Variants in GKAP1 observed in about 807,000 individuals in gnomAD.
GKAP1 encodes G kinase anchoring protein 1.
GKAP1 carries 31 observed loss-of-function variants against 56.7 expected under a neutral mutation model. The observed-to-expected ratio is 0.55, with a 90% confidence interval of 0.41 to 0.74. The LOEUF (loss-of-function observed/expected upper bound fraction) is 0.74, where lower values mean the gene tolerates loss of function less well. Ranked by LOEUF, GKAP1 falls within the 30% of genes least tolerant of loss-of-function variation. The pLI is 0.00. For synonymous variants in GKAP1, 151 were observed against 138.6 expected (o/e 1.09, Z -0.63); for missense variants, 364 against 402.3 (o/e 0.90, Z 0.82).
chr9:83,793,813 G>T (rs1433298655), intron 4 of GKAP1, among the ~76,000 whole-genome samples: 4 of 152,122 alleles, frequency 2.6e-5, no homozygotes, highest in South Asian at 2.1e-4. Flanking sequence ...TTAAGATAAT[G>T]AATATTTAAA....
Position 83,809,489 on chromosome 9 carries a change from T to A in GKAP1, c.-43-2929A>T, listed in dbSNP as rs2778327. Among the ~76,000 whole-genome samples the A allele has an allele frequency of 5.3e-5, 8 of 152,234 alleles. No individual in the cohort carries two copies. The East Asian group carries it at 5.8e-4, about 11-fold the overall frequency. ...CAGAATGCACTGCTACCCATTATCA[T>A]AGACAGGCTTGTGAAACTGTTGGAA... On this transcript the variant is annotated intron_variant, in intron 2 of 12. Coordinates refer to ENST00000376371, the MANE Select transcript of GKAP1 (RefSeq NM_025211.4).
At chr9:83,752,832 A>T (rs1318599728) in intron 9 of GKAP1, among the ~76,000 whole-genome samples, 2 of 152,104 alleles carry the variant, frequency 1.3e-5, no homozygotes, top group Non-Finnish European at 2.9e-5. Context: ...GCACTTTGGG[A>T]GGCTGGGGTG....
intron 2 of GKAP1, among the ~76,000 whole-genome samples, chr9:83,811,282 A>C (rs1257936923): frequency 2.0e-5 from 3 of 152,210 alleles, no homozygotes; most frequent in Non-Finnish European, 4.4e-5. Flanking sequence ...TCTTTGAAAT[A>C]AAAAAGTTTT....
chr9:83,775,338 C>A (rs970644611), intron 7 of GKAP1, among the ~76,000 whole-genome samples: 2 of 152,056 alleles, frequency 1.3e-5, no homozygotes, highest in African/African-American at 4.8e-5. Flanking sequence ...CCTGTCATCG[C>A]CCTAGATACA....
In GKAP1 at chr9:83,802,636, C is replaced by A. The variant is rs147085803; in HGVS notation, c.217-3308G>T. 6.9e-3 allele frequency among the ~76,000 whole-genome samples: 1,042 copies of A among 151,872 alleles called. 16 individuals are homozygous for A. Among genetic ancestry groups the A allele is most frequent in the African/African-American group, 0.024 (998 of 41,412 alleles). On this transcript the variant is annotated intron_variant, in intron 3 of 12. Coordinates refer to ENST00000376371, the MANE Select transcript of GKAP1 (RefSeq NM_025211.4). ...TTGAGGCCAGGAGTTTGAGAACAGC[C>A]TGGGCAATGTACTGTGACCCTGTCT... is the stretch of plus-strand genomic sequence containing the variant.
chr9:83,812,240 T>C (rs1333574598), intron 2 of GKAP1, among the ~76,000 whole-genome samples: 3 of 148,894 alleles, frequency 2.0e-5, no homozygotes, highest in African/African-American at 2.5e-5. Flanking sequence ...TGTATACATA[T>C]ATACGTATAT....
intron 8 of GKAP1, among the ~76,000 whole-genome samples, chr9:83,756,876 A>G (rs917988997): frequency 6.6e-6 from 1 of 152,204 alleles, no homozygotes; most frequent in Admixed American, 6.5e-5. Flanking sequence ...AAGAGATACT[A>G]CTTTTTAAAA....
chr9:83,782,749 C>T (rs1943996686), intron 6 of GKAP1, among the ~76,000 whole-genome samples: 1 of 150,710 alleles, frequency 6.6e-6, no homozygotes, highest in African/African-American at 2.4e-5. Flanking sequence ...TCACTACAAC[C>T]TCCACCTCCC....
At chr9:83,815,039 G>A (rs1272438647) in intron 2 of GKAP1, among the ~76,000 whole-genome samples, 4 of 152,112 alleles carry the variant, frequency 2.6e-5, no homozygotes, top group African/African-American at 7.2e-5. Context: ...GGGCATGGTG[G>A]CGCACGCCTG....
intron 7 of GKAP1, among the ~76,000 whole-genome samples, chr9:83,774,004 T>C (rs1943807874): frequency 6.6e-6 from 1 of 151,942 alleles, no homozygotes; most frequent in Non-Finnish European, 1.5e-5. Flanking sequence ...GTAGACAGTT[T>C]TGCTCTAGGC....
intron 2 of GKAP1, among the ~76,000 whole-genome samples, chr9:83,807,148 T>C (rs1019119931): frequency 5.9e-5 from 9 of 152,242 alleles, no homozygotes; most frequent in African/African-American, 1.2e-4. Flanking sequence ...CTAGTTTCCA[T>C]GCAAGCATAG....
chr9:83,741,909 G>T, intron 12 of GKAP1, 43 bp downstream of exon 12: 1 of 1,211,038 alleles, frequency 8.3e-7, no homozygotes, highest in Non-Finnish European at 1.2e-6. Flanking sequence ...TACTCCAAAT[G>T]TATTATTTGT....
intron 8 of GKAP1, among the ~76,000 whole-genome samples, chr9:83,756,268 G>A (rs1218625719): frequency 6.6e-6 from 1 of 151,602 alleles, no homozygotes; most frequent in Non-Finnish European, 1.5e-5. Flanking sequence ...CCAGAGGTCG[G>A]GAGTTTGAGA....
intron 8 of GKAP1, among the ~76,000 whole-genome samples, chr9:83,765,152 G>A (rs556946562): frequency 1.2e-3 from 183 of 152,340 alleles, no homozygotes; most frequent in African/African-American, 4.1e-3. Context: ...TGTCCCAGCT[G>A]CTCCAGCCAT....
chr9:83,758,591 C>A (rs74349801), intron 8 of GKAP1, among the ~76,000 whole-genome samples: 1 of 151,652 alleles, frequency 6.6e-6, no homozygotes, highest in African/African-American at 2.4e-5. Flanking sequence ...AAAAATAATA[C>A]ATAATAAATT....
At chr9:83,809,800 G>A (rs1350051164) in intron 2 of GKAP1, among the ~76,000 whole-genome samples, 1 of 152,126 alleles carries the variant, frequency 6.6e-6, no homozygotes, top group African/African-American at 2.4e-5. Flanking sequence ...CCTGTCATTT[G>A]CTTATTTATT....
chr9:83,806,913 T>C (rs908324514), intron 2 of GKAP1, among the ~76,000 whole-genome samples: 15 of 152,118 alleles, frequency 9.9e-5, no homozygotes, highest in Admixed American at 3.3e-4. Flanking sequence ...CATTTTTTCA[T>C]GATACACAAA....
At chr9:83,742,404 C>T (rs1022977015) in intron 11 of GKAP1, 126 bp downstream of exon 11, 92 of 649,070 alleles carry the variant, frequency 1.4e-4, no homozygotes, top group Admixed American at 2.9e-4. Flanking sequence ...TGGGCTATTA[C>T]ATAATAATAA....
At chr9:83,795,381 G>C (rs1944227523) in intron 4 of GKAP1, among the ~76,000 whole-genome samples, 1 of 152,054 alleles carries the variant, frequency 6.6e-6, no homozygotes, top group South Asian at 2.1e-4. Flanking sequence ...TTTCCACAAT[G>C]AAGTGTGCTG....
Sources: allele counts gnomAD v4.1 joint callset (sites outside exome capture counted in the v4.1 genomes callset), GRCh38; gene constraint gnomAD v4.1.1; transcripts MANE v1.5; gene names NCBI Gene and HGNC (gene_info 2026-07-23, HGNC 2026-07-21).